Variants in PTPRD observed in about 807,000 individuals in gnomAD.
The protein encoded by PTPRD is protein tyrosine phosphatase receptor type D, also known as receptor-type tyrosine-protein phosphatase delta.
Under a neutral mutation model 214.5 loss-of-function variants are expected in PTPRD, and 34 were observed. The ratio of observed to expected loss-of-function variants is 0.16; its 90% CI spans 0.12 to 0.21. The LOEUF is 0.21. Among genes scored for constraint, PTPRD ranks in the 10% least tolerant of loss-of-function variants. The probability of loss-of-function intolerance (pLI) is 1.00; values close to 1 mark genes in which losing one functional copy is unlikely to be tolerated. For synonymous variants in PTPRD, 1,128 were observed against 845.7 expected, an observed-to-expected ratio of 1.33 and a Z score of -5.79; for missense variants, 2,545 against 2,398.7, an observed-to-expected ratio of 1.06 and a Z score of -1.27.
chr9:9,344,009 T>A (rs143621418), intron 9 of PTPRD, among the ~76,000 whole-genome samples: 7 of 152,298 alleles, frequency 4.6e-5, no homozygotes, highest in Admixed American at 3.3e-4. Flanking sequence ...ATAATATGTA[T>A]CTTAGGTGCT....
intron 5 of PTPRD, among the ~76,000 whole-genome samples, chr9:9,831,160 A>T (rs1311987039): frequency 6.6e-6 from 1 of 151,940 alleles, no homozygotes; most frequent in Non-Finnish European, 1.5e-5. Context: ...AGAGGAATTT[A>T]ATGACAGCAT....
rs757090499 is a variant in PTPRD, at chr9:8,341,827, T to C, written c.4813A>G (p.Ile1605Val). The C allele has an allele frequency of 6.2e-7, 1 of 1,613,582 alleles. No homozygotes were observed. The highest frequency in any genetic ancestry group is 1.7e-5 in the Admixed American group (1 of 59,958). ...MVQTEDQYIF[I>V]HDALLEAVTC... is the part of the protein sequence containing the mutation. ...ACTGCTTCTAACAGTGCATCATGGA[T>C]AAAGATGTATTGGTCTTCTGTTTGA... Residue 1605 changes from isoleucine (I) to valine (V), a missense_variant, in exon 40 of 46, where the codon ATC (isoleucine) becomes GTC (valine). Coordinates refer to ENST00000381196, the MANE Select transcript of PTPRD (RefSeq NM_002839.4).
chr9:9,651,826 GTTTTTTTTTTTT>G (rs869105633), intron 7 of PTPRD, among the ~76,000 whole-genome samples: 3 of 55,064 alleles, frequency 5.4e-5, no homozygotes, highest in South Asian at 6.3e-4. Flanking sequence ...TTCAAGGTTT[GTTTTTTTTTTTT>G]TTTTTTTTTT....
At chr9:9,524,143 G>A (rs2073423714) in intron 8 of PTPRD, among the ~76,000 whole-genome samples, 1 of 152,136 alleles carries the variant, frequency 6.6e-6, no homozygotes, top group Non-Finnish European at 1.5e-5. Flanking sequence ...GCCAGCAAAG[G>A]GAAAGTACCC....
intron 11 of PTPRD, among the ~76,000 whole-genome samples, chr9:8,842,700 C>A (rs1264288396): frequency 6.6e-6 from 1 of 152,158 alleles, no homozygotes; most frequent in Admixed American, 6.5e-5. Context: ...TCAGTGACTT[C>A]TAGCAGGTTG....
At chr9:10,182,334 CAAA>C (rs1013952567) in intron 3 of PTPRD, among the ~76,000 whole-genome samples, 6 of 148,768 alleles carry the variant, frequency 4.0e-5, no homozygotes, top group Non-Finnish European at 7.4e-5. Context: ...GATTTTTAAC[CAAA>C]GTGCATCACA....
chr9:8,986,576 T>C (rs1423495280), intron 11 of PTPRD, among the ~76,000 whole-genome samples: 1 of 152,064 alleles, frequency 6.6e-6, no homozygotes, highest in East Asian at 1.9e-4. Flanking sequence ...TATAGAGTTA[T>C]ACAGTATCCC....
chr9:9,132,147 A>C (rs1190447271), intron 10 of PTPRD, among the ~76,000 whole-genome samples: 1 of 152,140 alleles, frequency 6.6e-6, no homozygotes, highest in Non-Finnish European at 1.5e-5. Context: ...AGCTGGGGCT[A>C]CAGGCGCCCG....
chr9:9,073,108 G>A (rs2099746207), intron 10 of PTPRD, among the ~76,000 whole-genome samples: 1 of 152,282 alleles, frequency 6.6e-6, no homozygotes, highest in Middle Eastern at 3.4e-3. Flanking sequence ...AAAGACGAGA[G>A]AATGTTGAGG....
intron 6 of PTPRD, among the ~76,000 whole-genome samples, chr9:9,750,006 C>G (rs559950884): frequency 6.6e-6 from 1 of 152,178 alleles, no homozygotes; most frequent in East Asian, 1.9e-4. Flanking sequence ...TAACAAAGAG[C>G]TCTGGGGTTT....
chr9:9,439,089 T>C (rs1404301684), intron 8 of PTPRD, among the ~76,000 whole-genome samples: 1 of 152,126 alleles, frequency 6.6e-6, no homozygotes, highest in Non-Finnish European at 1.5e-5. Context: ...CTTTCAAAGA[T>C]AAGAATTCAT....
At chr9:8,927,138 T>C (rs1356481187) in intron 11 of PTPRD, among the ~76,000 whole-genome samples, 3 of 152,206 alleles carry the variant, frequency 2.0e-5, no homozygotes, top group African/African-American at 4.8e-5. Context: ...AAAATTCTAA[T>C]TTAACAGCTT....
chr9:8,995,897 C>T (rs920192664), intron 11 of PTPRD, among the ~76,000 whole-genome samples: 3 of 152,084 alleles, frequency 2.0e-5, no homozygotes, highest in African/African-American at 7.2e-5. Flanking sequence ...AAGTCTCTTC[C>T]TTTTAGTAAA....
At chr9:8,967,177 G>A (rs2099201969) in intron 11 of PTPRD, among the ~76,000 whole-genome samples, 1 of 151,852 alleles carries the variant, frequency 6.6e-6, no homozygotes, top group South Asian at 2.1e-4. Context: ...GGAAAAAAGG[G>A]AATGCTTATA....
At chr9:10,563,652 T>A (rs958603299) in intron 2 of PTPRD, among the ~76,000 whole-genome samples, 7 of 147,410 alleles carry the variant, frequency 4.7e-5, no homozygotes, top group African/African-American at 1.8e-4. Context: ...GTTGTTGTTG[T>A]TTTGTTGTTA....
intron 9 of PTPRD, among the ~76,000 whole-genome samples, chr9:9,265,323 A>G (rs1594808286): frequency 1.3e-5 from 2 of 151,756 alleles, no homozygotes; most frequent in South Asian, 4.1e-4. Context: ...CTGCAGTGGC[A>G]TAATCATAGT....
At chr9:8,579,866 G>A (rs970016248) in intron 14 of PTPRD, among the ~76,000 whole-genome samples, 1 of 152,164 alleles carries the variant, frequency 6.6e-6, no homozygotes, top group African/African-American at 2.4e-5. Flanking sequence ...AAGAAAAGCT[G>A]GTGAGGCAAG....
chr9:9,703,595 T>C, intron 7 of PTPRD, among the ~76,000 whole-genome samples: 1 of 152,174 alleles, frequency 6.6e-6, no homozygotes, highest in East Asian at 1.9e-4. Flanking sequence ...ATGCATAGCA[T>C]ATTAATTTAA....
intron 43 of PTPRD, among the ~76,000 whole-genome samples, chr9:8,336,233 G>A (rs560203483): frequency 3.8e-4 from 57 of 149,092 alleles, no homozygotes; most frequent in African/African-American, 1.3e-3. Context: ...AAACAGCATG[G>A]TACTGGTACC....
Sources: gnomAD v4.1 joint callset for allele counts (sites outside exome capture counted in the v4.1 genomes callset) on GRCh38, gnomAD v4.1.1 for gene constraint, MANE v1.5 for transcripts, NCBI Gene and HGNC (gene_info 2026-07-23, HGNC 2026-07-21) for gene names.